Variants in NPAS3 observed in about 807,000 individuals in gnomAD.
The protein encoded by NPAS3 is neuronal PAS domain protein 3.
A neutral mutation model predicts 73.1 loss-of-function variants in NPAS3; 14 were observed. That is an observed-to-expected ratio of 0.19 (90% confidence interval 0.13 to 0.30). The LOEUF is 0.30. NPAS3 is among the 10% of genes least tolerant of loss of function. The pLI is 1.00. For synonymous variants in NPAS3, 620 were observed against 541.5 expected (o/e 1.14, Z -2.01); for missense variants, 1,096 against 1,250.0 (o/e 0.88, Z 1.86).
At chr14:33,760,450 T>C (rs529510147) in intron 7 of NPAS3, among the ~76,000 whole-genome samples, 77 of 152,282 alleles carry the variant, frequency 5.1e-4, no homozygotes, top group African/African-American at 1.8e-3. Flanking sequence ...AATTATGTAG[T>C]TTGGAAGAAG....
chr14:33,680,752 C>G lies in NPAS3; in HGVS notation c.733+4367C>G, dbSNP rs2059912795. On this transcript the variant is annotated intron_variant, in intron 6 of 11. Transcript: ENST00000356141. ...GGTGTGAGTTCATAGAGGGGAAAAT[C>G]AATACTGTACCAGGATTTAGACAAT... 4.5e-6 allele frequency: 3 copies of G among 660,738 alleles called. No individual in the cohort carries two copies. The Admixed American group carries it at 7.5e-5, about 17-fold the overall frequency. The allele number at this position is 660,738 out of a possible 1,614,324, so 40.9% of individuals were successfully genotyped here. A position where few individuals can be genotyped will look rare whatever the true frequency, so the allele number is the denominator to read the frequency against.
chr14:33,532,220 T>C (rs1341506587), intron 4 of NPAS3, among the ~76,000 whole-genome samples: 3 of 152,162 alleles, frequency 2.0e-5, no homozygotes, highest in Non-Finnish European at 2.9e-5. Flanking sequence ...ATCAACTCCA[T>C]TACTGAGCTT....
chr14:33,559,314 G>T (rs185741532), intron 4 of NPAS3, among the ~76,000 whole-genome samples: 6 of 152,260 alleles, frequency 3.9e-5, no homozygotes, highest in African/African-American at 1.4e-4. Flanking sequence ...ATTTCCTGTT[G>T]TTCTAACACA....
chr14:33,616,389 A>T (rs1384189902), intron 5 of NPAS3, among the ~76,000 whole-genome samples: 3 of 152,162 alleles, frequency 2.0e-5, no homozygotes, highest in Non-Finnish European at 4.4e-5. Context: ...CCACTTGCTG[A>T]GGTCAGGAGC....
At chr14:32,950,458 G>A (rs1232729741) in intron 1 of NPAS3, among the ~76,000 whole-genome samples, 1 of 151,828 alleles carries the variant, frequency 6.6e-6, no homozygotes, top group East Asian at 1.9e-4. Context: ...TCATCCATAG[G>A]GTTTAATTTC....
At chr14:33,654,157 G>A (rs1366736207) in intron 5 of NPAS3, among the ~76,000 whole-genome samples, 1 of 148,388 alleles carries the variant, frequency 6.7e-6, no homozygotes, top group African/African-American at 2.5e-5. Flanking sequence ...CAAAACCTTA[G>A]GGAATCCACA....
In NPAS3 at chr14:33,764,240, G is replaced by A. The variant is rs546266541; in HGVS notation, c.853-10097G>A. ...CTAGGACTACCATCTTCGGCGGAGG[G>A]GTACACGGCTGTCTTTGAATATATG... On this transcript the variant is annotated intron_variant, in intron 7 of 11. Transcript: ENST00000356141. 3.3e-4 allele frequency among the ~76,000 whole-genome samples: 51 copies of A among 152,250 alleles called. 3 individuals are homozygous for A. The South Asian group carries it at 6.0e-3, about 18-fold the overall frequency.
At chr14:33,084,107 A>G (rs1005646550) in intron 2 of NPAS3, among the ~76,000 whole-genome samples, 1 of 152,200 alleles carries the variant, frequency 6.6e-6, no homozygotes, top group Admixed American at 6.5e-5. Flanking sequence ...CTTTGGTGTA[A>G]TCACATCACC....
intron 4 of NPAS3, among the ~76,000 whole-genome samples, chr14:33,541,862 G>C (rs1175539401): frequency 2.0e-5 from 3 of 152,152 alleles, no homozygotes; most frequent in Non-Finnish European, 4.4e-5. Context: ...AGACTGTGGG[G>C]ATGTGCATAC....
At chr14:33,036,546 T>C (rs902655268) in intron 1 of NPAS3, among the ~76,000 whole-genome samples, 3 of 152,166 alleles carry the variant, frequency 2.0e-5, no homozygotes, top group African/African-American at 4.8e-5. Flanking sequence ...AAGGCCAGAA[T>C]AAAGCACAGT....
At chr14:33,360,180 C>T (rs531560924) in intron 3 of NPAS3, among the ~76,000 whole-genome samples, 22 of 152,340 alleles carry the variant, frequency 1.4e-4, no homozygotes, top group Admixed American at 4.6e-4. Context: ...TACATATTTG[C>T]CACCATAGCC....
intron 4 of NPAS3, among the ~76,000 whole-genome samples, chr14:33,521,726 G>A (rs1161086437): frequency 6.6e-6 from 1 of 152,046 alleles, no homozygotes; most frequent in Non-Finnish European, 1.5e-5. Flanking sequence ...TTATTGAATT[G>A]TATTTCTATA....
At chr14:32,942,859 G>A (rs2036083179) in intron 1 of NPAS3, among the ~76,000 whole-genome samples, 1 of 152,136 alleles carries the variant, frequency 6.6e-6, no homozygotes, top group African/African-American at 2.4e-5. Context: ...CATATCACAA[G>A]GCCAAGGGTC....
intron 5 of NPAS3, among the ~76,000 whole-genome samples, chr14:33,584,864 A>G (rs1371536875): frequency 6.6e-6 from 1 of 152,182 alleles, no homozygotes; most frequent in Non-Finnish European, 1.5e-5. Flanking sequence ...ATTAACATGC[A>G]CATGTTAACA....
chr14:33,453,725 T>A (rs1379808132), intron 4 of NPAS3, among the ~76,000 whole-genome samples: 1 of 152,226 alleles, frequency 6.6e-6, no homozygotes, highest in Non-Finnish European at 1.5e-5. Context: ...TACTTTTGCA[T>A]TGTTGACCTA....
intron 4 of NPAS3, among the ~76,000 whole-genome samples, chr14:33,400,995 C>T (rs555103689): frequency 1.3e-4 from 20 of 151,978 alleles, no homozygotes; most frequent in Admixed American, 5.2e-4. Flanking sequence ...AAGGAGTAGC[C>T]GTGTTAGATT....
chr14:32,962,298 G>A (rs2036957031), intron 1 of NPAS3, among the ~76,000 whole-genome samples: 1 of 152,064 alleles, frequency 6.6e-6, no homozygotes. Context: ...AACGAATTTT[G>A]AAACTATTAA....
At chr14:33,224,004 G>A (rs571450093) in intron 3 of NPAS3, among the ~76,000 whole-genome samples, 130 of 152,128 alleles carry the variant, frequency 8.5e-4, no homozygotes, top group African/African-American at 2.9e-3. Flanking sequence ...CTTTTTCTTT[G>A]CATTTACTCT....
chr14:33,550,248 G>A (rs988024288), intron 4 of NPAS3, among the ~76,000 whole-genome samples: 2 of 151,980 alleles, frequency 1.3e-5, no homozygotes, highest in African/African-American at 4.8e-5. Flanking sequence ...CGAACTCCTG[G>A]GCTCACACGA....
Sources: allele counts gnomAD v4.1 joint callset (sites outside exome capture counted in the v4.1 genomes callset), GRCh38; gene constraint gnomAD v4.1.1; transcripts MANE v1.5; gene names NCBI Gene and HGNC (gene_info 2026-07-23, HGNC 2026-07-21).